Variants in DMXL2 observed in about 807,000 individuals in gnomAD.
DMXL2 encodes Dmx like 2.
A neutral mutation model predicts 331.1 loss-of-function variants in DMXL2; 103 were observed. The ratio of observed to expected loss-of-function variants is 0.31; its 90% CI spans 0.27 to 0.37. DMXL2 has a LOEUF of 0.37. Among genes scored for constraint, DMXL2 ranks in the 10% least tolerant of loss-of-function variants. The pLI, the probability that DMXL2 is intolerant of heterozygous loss-of-function variation, is 1.00. For missense variants in DMXL2, 3,171 were observed against 3,642.9 expected, an observed-to-expected ratio of 0.87 and a Z score of 3.33; for synonymous variants, 1,281 against 1,252.1, an observed-to-expected ratio of 1.02 and a Z score of -0.49.
intron 1 of DMXL2, among the ~76,000 whole-genome samples, chr15:51,611,976 G>A (rs746047213): frequency 1.4e-4 from 22 of 152,184 alleles, no homozygotes; most frequent in Non-Finnish European, 2.6e-4. Flanking sequence ...CTTCCATGCT[G>A]TGGAAGCTTT....
intron 13 of DMXL2, among the ~76,000 whole-genome samples, chr15:51,531,735 A>G (rs554312127): frequency 7.9e-5 from 12 of 152,368 alleles, no homozygotes; most frequent in African/African-American, 2.9e-4. Flanking sequence ...ATTTCTTAAA[A>G]GAAGACATAC....
intron 1 of DMXL2, among the ~76,000 whole-genome samples, chr15:51,582,912 A>G (rs543303981): frequency 6.6e-6 from 1 of 151,978 alleles, no homozygotes; most frequent in South Asian, 2.1e-4. Flanking sequence ...CCTCATTCCC[A>G]GGAAGCAATT....
At chr15:51,480,406 T>C in intron 24 of DMXL2, 136 bp downstream of exon 24, 1 of 1,106,080 alleles carries the variant, frequency 9.0e-7, no homozygotes, top group South Asian at 2.3e-5. Flanking sequence ...TATAAATATC[T>C]GCCTCCTATA....
intron 1 of DMXL2, among the ~76,000 whole-genome samples, chr15:51,603,284 C>T (rs1017233152): frequency 6.6e-6 from 1 of 152,046 alleles, no homozygotes; most frequent in African/African-American, 2.4e-5. Flanking sequence ...ACTAACCCTG[C>T]ACACATTAAA....
chr15:51,581,819 C>T (rs991865758), intron 1 of DMXL2, among the ~76,000 whole-genome samples: 1 of 151,948 alleles, frequency 6.6e-6, no homozygotes, highest in African/African-American at 2.4e-5. Context: ...TTTAACATCC[C>T]GGAAGTTACA....
rs2140887177 is a variant in DMXL2, at chr15:51,537,704, A to G, written c.1401T>C (p.Asp467=). ...TTCTAGGACTTCCTTCTCTTTCTCC[A>G]TCTTCATGTTCTGATGATCCTGTAC... ...EAGTGSSEHE[D]GEREGSPRTY... is the part of the protein sequence containing the mutation. Residue 467 remains aspartate, a synonymous_variant, in exon 11 of 44, where the codon GAT becomes GAC. Transcript: ENST00000560891. The G allele has an allele frequency of 1.9e-6, 3 of 1,613,796 alleles. No individual in the cohort carries two copies. Among genetic ancestry groups the G allele is most frequent in the East Asian group, 2.2e-5 (1 of 44,850 alleles).
intron 25 of DMXL2, 77 bp downstream of exon 25, chr15:51,479,871 T>A: frequency 8.9e-7 from 1 of 1,128,014 alleles, no homozygotes; most frequent in Non-Finnish European, 1.2e-6. Context: ...TTCCCCTAAG[T>A]TCGAATTAAA....
chr15:51,495,488 T>G (rs556713346), intron 18 of DMXL2, among the ~76,000 whole-genome samples: 62 of 152,318 alleles, frequency 4.1e-4, no homozygotes, highest in African/African-American at 1.4e-3. Context: ...TCTACATGAA[T>G]TCCGATGAGA....
chr15:51,569,519 C>A lies in DMXL2; in HGVS notation c.214-961G>T, dbSNP rs185229725. Among the ~76,000 whole-genome samples, 204 of 152,328 alleles carry A rather than the reference C, an allele frequency of 1.3e-3. 1 individual carries two copies. The highest frequency in any genetic ancestry group is 4.5e-3 in the African/African-American group (186 of 41,568). Reference sequence around the variant, plus strand: ...TCCTCAAGTGGGTCCCTGACCCCCCCGTGTACCCAGACTGGAGACACCTCA... The same window carrying A: ...TCCTCAAGTGGGTCCCTGACCCCCCAGTGTACCCAGACTGGAGACACCTCA... On this transcript the variant is annotated intron_variant, in intron 2 of 43. Transcript: ENST00000560891.
chr15:51,541,664 C>T (rs2048603504), intron 9 of DMXL2, among the ~76,000 whole-genome samples: 2 of 152,112 alleles, frequency 1.3e-5, no homozygotes, highest in African/African-American at 4.8e-5. Flanking sequence ...CAATAACATA[C>T]AACTATAACT....
At chr15:51,595,691 A>T (rs1263284063) in intron 1 of DMXL2, among the ~76,000 whole-genome samples, 1 of 152,230 alleles carries the variant, frequency 6.6e-6, no homozygotes, top group Non-Finnish European at 1.5e-5. Flanking sequence ...TACAGTAACC[A>T]AAACAGTATG....
At chr15:51,611,812 A>C (rs532072169) in intron 1 of DMXL2, among the ~76,000 whole-genome samples, 18 of 152,310 alleles carry the variant, frequency 1.2e-4, no homozygotes, top group African/African-American at 4.3e-4. Flanking sequence ...GCGCTCTGTA[A>C]AACACACCAA....
At chr15:51,512,905 G>A (rs773083483) in intron 15 of DMXL2, among the ~76,000 whole-genome samples, 2 of 151,800 alleles carry the variant, frequency 1.3e-5, no homozygotes, top group Non-Finnish European at 2.9e-5. Flanking sequence ...TACATTATGG[G>A]AATATGGAGG....
At position 51,451,838 on chromosome 15, in the gene DMXL2, T is replaced by TTCCCAACTAGGATGGGGGTAGGG. The variant is rs1388898837; in HGVS notation, c.8697-164_8697-142dup. The TTCCCAACTAGGATGGGGGTAGGG allele has an allele frequency of 1.5e-5, 10 of 659,298 alleles. No homozygotes were observed. The African/African-American group carries it at 1.7e-4, about 11-fold the overall frequency. 40.8% of individuals were successfully genotyped at this position (659,298 alleles called of 1,614,324 possible). A position where few individuals can be genotyped will look rare whatever the true frequency, so the allele number is the denominator to read the frequency against. On this transcript the variant is annotated intron_variant, in intron 41 of 43. Transcript: ENST00000560891. ...CACTCACACCTATAGAGAGTAGTGA[T>TTCCCAACTAGGATGGGGGTAGGG]TCCCAACTAGGATGGGGGTAGGGTC... is the stretch of plus-strand genomic sequence containing the variant.
At position 51,499,751 on chromosome 15, in the gene DMXL2, T is replaced by A. The variant is rs749853725; in HGVS notation, c.3473A>T (p.Asp1158Val). The change falls in exon 18 of 44, where the codon GAT becomes GTT. Residue 1158 changes from aspartate to valine, a missense_variant. Asp to Val is a radical substitution (Grantham distance 152). This residue lies in a region of DMXL2 where 1,674 missense variants were observed against 1,780.2 expected (regional missense o/e 0.94). Coordinates refer to ENST00000560891, the MANE Select transcript of DMXL2 (RefSeq NM_001378457.1). The stretch of plus-strand genomic sequence containing the variant: ...TTTGATATTCGGAATAAGATATCTA[T>A]CCTTGCTCAAGAGTGCATCTGACTT... ...YSKSDALLSKDRYLIPNIKHL... is the reference protein window; with the variant it reads ...YSKSDALLSKVRYLIPNIKHL... 1.9e-6 allele frequency: 3 copies of A among 1,614,028 alleles called. No individual in the cohort carries two copies. The highest frequency in any genetic ancestry group is 2.5e-6 in the Non-Finnish European group (3 of 1,180,032).
At chr15:51,561,140 A>T (rs1299306681) in intron 6 of DMXL2, among the ~76,000 whole-genome samples, 1 of 152,212 alleles carries the variant, frequency 6.6e-6, no homozygotes, top group East Asian at 1.9e-4. Flanking sequence ...GAAGATAGTA[A>T]AATAGAGAAT....
At chr15:51,486,051 AG>A (rs1567015208) in intron 23 of DMXL2, 21 bp downstream of exon 23, 1 of 1,535,920 alleles carries the variant, frequency 6.5e-7, no homozygotes. Flanking sequence ...AAGAAAAAAA[AG>A]AAATCCACAA....
intron 6 of DMXL2, among the ~76,000 whole-genome samples, chr15:51,550,501 G>A (rs1183235908): frequency 5.3e-5 from 8 of 151,862 alleles, no homozygotes; most frequent in Non-Finnish European, 7.4e-5. Context: ...TGTTTTTTAT[G>A]GTGAGAAGAC....
intron 2 of DMXL2, among the ~76,000 whole-genome samples, chr15:51,573,849 T>C (rs1347679718): frequency 2.6e-5 from 4 of 151,924 alleles, no homozygotes; most frequent in Non-Finnish European, 5.9e-5. Context: ...TAATAAAAAA[T>C]ATATATATAC....
Sources: gnomAD v4.1 joint callset for allele counts (sites outside exome capture counted in the v4.1 genomes callset) on GRCh38, gnomAD v4.1.1 for gene constraint, gnomAD v4.1.1 regional missense constraint, MANE v1.5 for transcripts, NCBI Gene and HGNC (gene_info 2026-07-23, HGNC 2026-07-21) for gene names.